Variants in ZFHX3 observed in about 807,000 individuals in gnomAD.
ZFHX3 encodes the protein zinc finger homeobox protein 3.
A neutral mutation model predicts 279.1 loss-of-function variants in ZFHX3; 42 were observed. The observed-to-expected ratio is 0.15, with a 90% CI of 0.12 to 0.19. The LOEUF is 0.19. ZFHX3 is among the 10% of genes least tolerant of loss of function. The pLI, the probability that ZFHX3 is intolerant of heterozygous loss-of-function variation, is 1.00. For synonymous variants in ZFHX3, 2,293 were observed against 1,957.8 expected (o/e 1.17, Z -4.52); for missense variants, 4,981 against 4,754.0 (o/e 1.05, Z -1.40).
chr16:73,677,381 A>C (rs922784706), intron 2 of ZFHX3, among the ~76,000 whole-genome samples: 1 of 151,920 alleles, frequency 6.6e-6, no homozygotes, highest in African/African-American at 2.4e-5. Flanking sequence ...GATGCAGCTA[A>C]GCTAAAAATC....
intron 2 of ZFHX3, among the ~76,000 whole-genome samples, chr16:73,639,355 G>A (rs748074201): frequency 6.6e-6 from 1 of 151,924 alleles, no homozygotes; most frequent in Non-Finnish European, 1.5e-5. Flanking sequence ...AATATGTTTT[G>A]GAGAAGATAA....
chr16:73,132,027 T>C (rs1597170785), intron 6 of ZFHX3, among the ~76,000 whole-genome samples: 2 of 152,236 alleles, frequency 1.3e-5, no homozygotes, highest in East Asian at 3.9e-4. Context: ...GGCTCACACC[T>C]GTAATCCCAG....
At chr16:73,012,331 TCTA>T (rs1159232727) in intron 1 of ZFHX3, among the ~76,000 whole-genome samples, 2 of 152,216 alleles carry the variant, frequency 1.3e-5, no homozygotes, top group African/African-American at 4.8e-5. Context: ...AGACAAATTT[TCTA>T]CTACAAGTGA....
intron 2 of ZFHX3, among the ~76,000 whole-genome samples, chr16:73,614,212 G>A (rs1024904170): frequency 2.0e-5 from 3 of 152,214 alleles, no homozygotes; most frequent in East Asian, 1.9e-4. Flanking sequence ...TGTGTACGGG[G>A]CAAAAGTGAG....
At chr16:73,091,371 G>C (rs1966079308) in intron 8 of ZFHX3, among the ~76,000 whole-genome samples, 1 of 152,210 alleles carries the variant, frequency 6.6e-6, no homozygotes, top group African/African-American at 2.4e-5. Context: ...GCTTTCAGTG[G>C]CTGCAGGGCT....
intron 1 of ZFHX3, among the ~76,000 whole-genome samples, chr16:73,847,709 G>C (rs904379324): frequency 6.6e-6 from 1 of 151,870 alleles, no homozygotes; most frequent in South Asian, 2.1e-4. Context: ...CCAGTTCAGT[G>C]TCTAGTATAT....
intron 1 of ZFHX3, among the ~76,000 whole-genome samples, chr16:73,797,306 G>A (rs1409242043): frequency 6.6e-6 from 1 of 152,204 alleles, no homozygotes; most frequent in East Asian, 1.9e-4. Context: ...CAGTGCTGAG[G>A]CTAAAATTAC....
intron 5 of ZFHX3, among the ~76,000 whole-genome samples, chr16:72,820,258 T>A (rs2036749467): frequency 6.6e-6 from 1 of 152,190 alleles, no homozygotes; most frequent in Non-Finnish European, 1.5e-5. Flanking sequence ...TCTGCGTATT[T>A]TGGGAGAAAA....
At chr16:73,753,395 A>G (rs2053778129) in intron 1 of ZFHX3, among the ~76,000 whole-genome samples, 1 of 152,182 alleles carries the variant, frequency 6.6e-6, no homozygotes, top group Non-Finnish European at 1.5e-5. Flanking sequence ...TGTGGCAGCA[A>G]TCCAGAAGTG....
chr16:73,176,609 C>CTT (rs34772851), intron 5 of ZFHX3, among the ~76,000 whole-genome samples: 2,362 of 139,332 alleles, frequency 0.017, 81 homozygotes, highest in African/African-American at 0.06. Context: ...TCTTCTTCTC[C>CTT]TTTTTTTTTT....
In ZFHX3 at chr16:72,959,924, G is replaced by A. The variant is rs148778425; in HGVS notation, c.222C>T (p.Pro74=). 1,318 of 1,599,850 alleles carry A rather than the reference G, an allele frequency of 8.2e-4. 4 individuals are homozygous for A. In the African/African-American group the frequency reaches 0.01, roughly 12 times the overall value. Residue 74 remains proline (P), a synonymous_variant, in exon 2 of 10, where the codon CCC becomes CCT. Transcript: ENST00000268489. The part of the protein sequence containing the change: ...STASAGPPSE[P]ASKEVTCNEC... ...CGTTGCAGGTGACCTCCTTGCTGGC[G>A]GGCTCGGAGGGGGGCCCGGCCGACG... is the stretch of plus-strand genomic sequence containing the variant.
At chr16:72,993,540 C>T (rs1361501733) in intron 1 of ZFHX3, among the ~76,000 whole-genome samples, 1 of 152,144 alleles carries the variant, frequency 6.6e-6, no homozygotes, top group Non-Finnish European at 1.5e-5. Flanking sequence ...AGAACATTGT[C>T]AGACGAAAAG....
In ZFHX3 at chr16:73,869,599, A is replaced by C. The variant is rs527306631; in HGVS notation, c.-1608+22052T>G. Among the ~76,000 whole-genome samples the C allele has an allele frequency of 2.3e-4, 35 of 152,376 alleles. No individual in the cohort carries two copies. The South Asian group carries it at 6.6e-3, about 29-fold the overall frequency. The stretch of plus-strand genomic sequence containing the variant: ...TGTATTTGCATGACTGTATTTAAGG[A>C]TTATCATGGGAAAGAAATAGGCGCT... On this transcript the variant is annotated intron_variant, in intron 1 of 17. Coordinates refer to the ZFHX3 transcript ENST00000641206.
At chr16:73,733,165 A>G (rs1464366288) in intron 1 of ZFHX3, among the ~76,000 whole-genome samples, 3 of 152,242 alleles carry the variant, frequency 2.0e-5, no homozygotes, top group Admixed American at 1.3e-4. Flanking sequence ...GAACTTGTAC[A>G]AAGTGTGTGT....
intron 3 of ZFHX3, among the ~76,000 whole-genome samples, chr16:73,453,864 C>T (rs751475757): frequency 4.6e-5 from 7 of 152,174 alleles, no homozygotes; most frequent in Non-Finnish European, 8.8e-5. Flanking sequence ...GACTTATTCA[C>T]TATCACCAGA....
At chr16:73,728,395 T>C (rs1039550510) in intron 1 of ZFHX3, among the ~76,000 whole-genome samples, 27 of 152,150 alleles carry the variant, frequency 1.8e-4, no homozygotes, top group African/African-American at 5.8e-4. Context: ...CACTAACTAA[T>C]ATAATCGCAA....
At chr16:73,568,338 G>C (rs925517876) in intron 2 of ZFHX3, among the ~76,000 whole-genome samples, 4 of 149,734 alleles carry the variant, frequency 2.7e-5, no homozygotes, top group African/African-American at 1.0e-4. Flanking sequence ...ATGTCTTTGT[G>C]GGCATTTCCG....
At position 73,623,937 on chromosome 16, in the gene ZFHX3, G is replaced by A. The variant is rs570350719; in HGVS notation, c.-1547+56243C>T. On this transcript the variant is annotated intron_variant, in intron 2 of 17. Transcript: ENST00000641206. ...AATAGTATTTCCTGTGTCACTCTGA[G>A]TTATAGAATCTAATCTTGGGCTCAT... 3.9e-5 allele frequency among the ~76,000 whole-genome samples: 6 copies of A among 152,300 alleles called. No homozygotes were observed. In the South Asian group the frequency reaches 8.3e-4, roughly 21 times the overall value.
chr16:73,467,713 T>C (rs1465944142), intron 2 of ZFHX3, among the ~76,000 whole-genome samples: 1 of 152,138 alleles, frequency 6.6e-6, no homozygotes, highest in East Asian at 1.9e-4. Context: ...AATAGAAAAT[T>C]GAAAAAAAGT....
Sources: allele counts gnomAD v4.1 joint callset (sites outside exome capture counted in the v4.1 genomes callset), GRCh38; gene constraint gnomAD v4.1.1; transcripts MANE v1.5; gene names NCBI Gene and HGNC (gene_info 2026-07-23, HGNC 2026-07-21).